Variants in KALRN observed in about 807,000 individuals in gnomAD.
KALRN encodes the protein kalirin.
A neutral mutation model predicts 353.7 loss-of-function variants in KALRN; 70 were observed. The ratio of observed to expected loss-of-function variants is 0.20; its 90% CI spans 0.16 to 0.24. KALRN has a LOEUF of 0.24. KALRN is among the 10% of genes least tolerant of loss of function. The pLI is 1.00. For synonymous variants in KALRN, 1,391 were observed against 1,434.8 expected (o/e 0.97, Z 0.69); for missense variants, 2,791 against 3,756.7 (o/e 0.74, Z 6.72).
intron 9 of KALRN, among the ~76,000 whole-genome samples, chr3:124,343,314 C>T (rs144447002): frequency 3.9e-4 from 59 of 152,228 alleles, no homozygotes; most frequent in African/African-American, 1.2e-3. Context: ...TGCACCACCA[C>T]GCCTGGCAAT....
Position 124,121,093 on chromosome 3 carries a change from CA to C in KALRN, c.73+87301del, listed in dbSNP as rs35883031. The stretch of plus-strand genomic sequence containing the variant: ...TGGGCAACAGAGTGAGACTCCATCT[CA>C]AAAAAAAAAAAAAAAAAAAAGAAAT... On this transcript the variant is annotated intron_variant, in intron 1 of 59. Transcript: ENST00000682506. Among the ~76,000 whole-genome samples the C allele has an allele frequency of 7.6e-3, 570 of 75,068 alleles. 1 individual carries two copies. The highest frequency in any genetic ancestry group is 0.019 in the South Asian group (27 of 1,418). The allele number at this position is 75,068 out of a possible 152,430, so 49.2% of individuals were successfully genotyped here.
At chr3:124,423,246 A>T (rs1385871834) in intron 15 of KALRN, among the ~76,000 whole-genome samples, 1 of 152,206 alleles carries the variant, frequency 6.6e-6, no homozygotes, top group African/African-American at 2.4e-5. Context: ...TGTCTCAGTC[A>T]CTCAATCTGT....
At chr3:124,191,669 T>C (rs1287813191) in intron 1 of KALRN, among the ~76,000 whole-genome samples, 2 of 152,206 alleles carry the variant, frequency 1.3e-5, no homozygotes, top group African/African-American at 4.8e-5. Context: ...TGTTTTTCTC[T>C]CTCTGTATAG....
chr3:124,129,273 C>T (rs1475882140), intron 1 of KALRN, among the ~76,000 whole-genome samples: 1 of 152,134 alleles, frequency 6.6e-6, no homozygotes, highest in African/African-American at 2.4e-5. Flanking sequence ...CCAAGGGTCC[C>T]ATGTTCTTCC....
intron 10 of KALRN, among the ~76,000 whole-genome samples, chr3:124,355,709 CTTTTTTTTTT>C (rs3055894): frequency 1.0e-5 from 1 of 97,446 alleles, no homozygotes; most frequent in Non-Finnish European, 2.0e-5. Flanking sequence ...TCTCTCCCAT[CTTTTTTTTTT>C]TTTTTTTTTT....
At chr3:124,129,178 T>C (rs1578373433) in intron 1 of KALRN, among the ~76,000 whole-genome samples, 1 of 152,298 alleles carries the variant, frequency 6.6e-6, no homozygotes, top group East Asian at 1.9e-4. Flanking sequence ...TCCGTCATAC[T>C]CAGGAGCATT....
intron 38 of KALRN, among the ~76,000 whole-genome samples, chr3:124,651,915 G>T (rs1360947371): frequency 6.6e-6 from 1 of 152,130 alleles, no homozygotes; most frequent in Non-Finnish European, 1.5e-5. Flanking sequence ...TGGGATTACA[G>T]GCAGGATCCA....
At chr3:124,482,962 G>C in intron 28 of KALRN, 62 bp downstream of exon 28, 1 of 1,143,012 alleles carries the variant, frequency 8.7e-7, no homozygotes. Context: ...GGGAGTCCCA[G>C]CTTTGGCCCC....
chr3:124,695,169 G>T (rs887276981), intron 53 of KALRN, among the ~76,000 whole-genome samples: 3 of 152,162 alleles, frequency 2.0e-5, no homozygotes, highest in African/African-American at 7.2e-5. Flanking sequence ...AAATCAAGCC[G>T]CAAGGATGCT....
intron 57 of KALRN, 59 bp from the exon 58 acceptor site, chr3:124,712,876 A>G: frequency 8.0e-7 from 1 of 1,256,662 alleles, no homozygotes; most frequent in Non-Finnish European, 1.1e-6. Flanking sequence ...CTTATCCATG[A>G]ATAAAATATA....
intron 1 of KALRN, chr3:124,152,149 G>A: frequency 1.5e-6 from 2 of 1,375,008 alleles, no homozygotes; most frequent in African/African-American, 1.4e-5. Context: ...CCTTCCTGCA[G>A]ATGATGCAAG....
rs777847805 is a variant in KALRN, at chr3:124,228,034, A to G, written c.118A>G (p.Ile40Val). The G allele has an allele frequency of 6.2e-7, 1 of 1,613,860 alleles. No individual in the cohort carries two copies. Among genetic ancestry groups the G allele is most frequent in the African/African-American group, 1.3e-5 (1 of 74,884 alleles). ...DGLKASDVLP[I>V]LKEKVAFVSG... ...TTTGAAAGCTTCTGATGTCCTTCCT[A>G]TCCTAAAGGAAAAGGTGGCCTTCGT... The change falls in exon 2 of 60, where the codon ATC becomes GTC. Residue 40 changes from isoleucine to valine, a missense_variant. Physicochemically the swap from Ile to Val is conservative, Grantham distance 29. This residue lies in a region of KALRN where 110 missense variants were observed against 204.1 expected (regional missense o/e 0.54). Transcript: ENST00000682506.
At chr3:124,047,451 AT>A (rs11315308) in intron 1 of KALRN, among the ~76,000 whole-genome samples, 23,281 of 149,998 alleles carry the variant, frequency 0.16, 2,143 homozygotes, top group East Asian at 0.47. Flanking sequence ...ATAAGGTTTT[AT>A]TTAGAGAGAC....
intron 14 of KALRN, among the ~76,000 whole-genome samples, chr3:124,415,133 C>T (rs3772747): frequency 0.012 from 1,831 of 152,294 alleles, 28 homozygotes; most frequent in East Asian, 0.075. Context: ...AAACCCAGGC[C>T]TATTCACAGG....
At chr3:124,531,276 T>A (rs775065128) in intron 33 of KALRN, among the ~76,000 whole-genome samples, 22 of 152,230 alleles carry the variant, frequency 1.4e-4, no homozygotes, top group Non-Finnish European at 4.4e-5. Flanking sequence ...CCTTAGCAGT[T>A]AACAACAAAT....
chr3:124,086,048 G>T (rs1046377666), intron 1 of KALRN, among the ~76,000 whole-genome samples: 1 of 152,014 alleles, frequency 6.6e-6, no homozygotes, highest in African/African-American at 2.4e-5. Context: ...TCTTGTTAAT[G>T]GTTTCTAAGT....
At chr3:124,413,225 T>G (rs1560855795) in intron 13 of KALRN, among the ~76,000 whole-genome samples, 1 of 152,190 alleles carries the variant, frequency 6.6e-6, no homozygotes, top group South Asian at 2.1e-4. Flanking sequence ...TAATTCATAA[T>G]ATGAATGTTT....
At chr3:124,450,516 T>C (rs2058669284) in intron 21 of KALRN, among the ~76,000 whole-genome samples, 2 of 152,040 alleles carry the variant, frequency 1.3e-5, no homozygotes, top group Admixed American at 1.3e-4. Flanking sequence ...AGAGGTAGAA[T>C]CTAAACAGTT....
rs1343899545 is a variant in KALRN at position 124,694,472 on chromosome 3, A to G, written c.7546A>G (p.Asn2516Asp). Residue 2516 changes from asparagine (N) to aspartate (D), a missense_variant, in exon 53 of 60, where the codon AAC becomes GAC. Physicochemically the swap from Asn to Asp is conservative, Grantham distance 23 (BLOSUM62 1). Transcript: ENST00000682506. The part of the protein sequence containing the change: ...GPDQNILDTD[N>D]SSATYTVSSC... Reference sequence around the variant, plus strand: ...AGACCAGAACATCCTTGACACTGATAACAGCTCAGCCACATACACGGTCTC... The same window carrying G: ...AGACCAGAACATCCTTGACACTGATGACAGCTCAGCCACATACACGGTCTC... 2 of 1,614,044 alleles carry G rather than the reference A, an allele frequency of 1.2e-6. No individual in the cohort carries two copies. Among genetic ancestry groups the G allele is most frequent in the Non-Finnish European group, 1.7e-6 (2 of 1,180,030 alleles).
Sources: allele counts gnomAD v4.1 joint callset (sites outside exome capture counted in the v4.1 genomes callset), GRCh38; gene constraint gnomAD v4.1.1; regional missense constraint gnomAD v4.1.1; transcripts MANE v1.5; gene names NCBI Gene and HGNC (gene_info 2026-07-23, HGNC 2026-07-21).